SUSD6: variants seen among roughly 807,000 people sequenced by gnomAD.
SUSD6 encodes the protein sushi domain containing 6, also known as sushi domain-containing protein 6.
A neutral mutation model predicts 28.4 loss-of-function variants in SUSD6; 16 were observed. The ratio of observed to expected loss-of-function variants is 0.56; its 90% CI spans 0.38 to 0.86. The LOEUF (loss-of-function observed/expected upper bound fraction) is 0.86, where lower values mean the gene tolerates loss of function less well. Among genes scored for constraint, SUSD6 ranks in the 40% least tolerant of loss-of-function variants. SUSD6 has a pLI of 0.00. For missense variants in SUSD6, 341 were observed against 384.2 expected (o/e 0.89, Z 0.94); for synonymous variants, 147 against 159.6 (o/e 0.92, Z 0.59).
chr14:69,653,697 C>A (rs1055995145), intron 1 of SUSD6, among the ~76,000 whole-genome samples: 9 of 135,494 alleles, frequency 6.6e-5, no homozygotes, highest in African/African-American at 2.4e-4. Flanking sequence ...TTTGTTTAAA[C>A]AAAGTTTTAG....
chr14:69,631,265 G>A (rs1303067573), intron 1 of SUSD6, among the ~76,000 whole-genome samples: 2 of 152,208 alleles, frequency 1.3e-5, no homozygotes, highest in Non-Finnish European at 2.9e-5. Flanking sequence ...AGCAGCAGGG[G>A]AACAATCTTC....
At chr14:69,675,575 A>T (rs572341435) in intron 2 of SUSD6, among the ~76,000 whole-genome samples, 21 of 152,138 alleles carry the variant, frequency 1.4e-4, no homozygotes, top group Admixed American at 1.4e-3. Flanking sequence ...AGAGGAATAA[A>T]TAATATGAAC....
chr14:69,702,979 G>A (rs1027345804), intron 2 of SUSD6, among the ~76,000 whole-genome samples: 11 of 152,146 alleles, frequency 7.2e-5, no homozygotes, highest in Admixed American at 5.2e-4. Context: ...ATACAATAGA[G>A]TCTTTTCTGA....
At chr14:69,666,908 A>G (rs79807462) in intron 2 of SUSD6, among the ~76,000 whole-genome samples, 5,222 of 152,300 alleles carry the variant, frequency 0.034, 311 homozygotes, top group African/African-American at 0.12. Flanking sequence ...ATGACCAAGT[A>G]AAAACAGGGC....
intron 2 of SUSD6, among the ~76,000 whole-genome samples, chr14:69,666,483 A>G (rs1885743523): frequency 6.6e-6 from 1 of 152,252 alleles, no homozygotes; most frequent in Non-Finnish European, 1.5e-5. Flanking sequence ...CAGTGATGTG[A>G]TTGGAAGGTT....
chr14:69,656,547 G>A (rs1885585761), intron 1 of SUSD6, among the ~76,000 whole-genome samples: 1 of 152,344 alleles, frequency 6.6e-6, no homozygotes, highest in East Asian at 1.9e-4. Context: ...TGTCAAATGA[G>A]ATGGTGGAAC....
chr14:69,618,531 C>G (rs751653293), intron 1 of SUSD6, among the ~76,000 whole-genome samples: 2 of 152,206 alleles, frequency 1.3e-5, no homozygotes, highest in African/African-American at 2.4e-5. Context: ...AACGGAGGAT[C>G]AAGATGGTTA....
chr14:69,645,624 C>T (rs10131362), intron 1 of SUSD6, among the ~76,000 whole-genome samples: 5,686 of 152,232 alleles, frequency 0.037, 372 homozygotes, highest in African/African-American at 0.13. Flanking sequence ...TAACTCAAAT[C>T]ATTGGGTTAA....
chr14:69,658,111 C>T (rs1369523126), intron 1 of SUSD6, among the ~76,000 whole-genome samples: 2 of 152,228 alleles, frequency 1.3e-5, no homozygotes, highest in African/African-American at 4.8e-5. Flanking sequence ...CGTGTTCTCT[C>T]TCTTTTTTTC....
At chr14:69,631,522 G>A (rs1403483629) in intron 1 of SUSD6, among the ~76,000 whole-genome samples, 1 of 152,022 alleles carries the variant, frequency 6.6e-6, no homozygotes, top group South Asian at 2.1e-4. Context: ...TGCCTAAAAC[G>A]GATATAACAG....
At chr14:69,613,524 A>G (rs909399224) in intron 1 of SUSD6, among the ~76,000 whole-genome samples, 3 of 152,158 alleles carry the variant, frequency 2.0e-5, no homozygotes, top group African/African-American at 7.2e-5. Flanking sequence ...TTCATTCAGT[A>G]CTCCCAAGTA....
At chr14:69,648,693 C>T (rs954167946) in intron 1 of SUSD6, among the ~76,000 whole-genome samples, 1 of 152,142 alleles carries the variant, frequency 6.6e-6, no homozygotes, top group Non-Finnish European at 1.5e-5. Flanking sequence ...GTAAACATAA[C>T]TGCATCAGCC....
intron 2 of SUSD6, among the ~76,000 whole-genome samples, chr14:69,667,046 G>T (rs1885752768): frequency 6.6e-6 from 1 of 152,150 alleles, no homozygotes; most frequent in Admixed American, 6.5e-5. Context: ...CGGGACCTTT[G>T]TGTTTATTGT....
chr14:69,699,460 T>A (rs1215795710), intron 2 of SUSD6, among the ~76,000 whole-genome samples: 2 of 151,818 alleles, frequency 1.3e-5, no homozygotes, highest in East Asian at 3.9e-4. Flanking sequence ...CACCTTGACC[T>A]CCCAAAGCGC....
intron 1 of SUSD6, among the ~76,000 whole-genome samples, chr14:69,639,666 C>T (rs1885320475): frequency 2.6e-5 from 4 of 152,190 alleles, no homozygotes; most frequent in Admixed American, 1.3e-4. Context: ...ATCTTGGCAG[C>T]CCATCCTTTG....
chr14:69,653,246 G>A (rs1343071886), intron 1 of SUSD6, among the ~76,000 whole-genome samples: 1 of 152,150 alleles, frequency 6.6e-6, no homozygotes, highest in Non-Finnish European at 1.5e-5. Context: ...TGGGGCTGAC[G>A]GTCGAGCTGA....
intron 2 of SUSD6, among the ~76,000 whole-genome samples, chr14:69,692,741 A>G (rs146606489): frequency 3.7e-4 from 57 of 152,256 alleles, no homozygotes; most frequent in Admixed American, 1.3e-3. Flanking sequence ...TGAAACCACA[A>G]TTTTGGCCTT....
chr14:69,675,223 A>T (rs186974877), intron 2 of SUSD6, among the ~76,000 whole-genome samples: 1 of 152,186 alleles, frequency 6.6e-6, no homozygotes, highest in Non-Finnish European at 1.5e-5. Flanking sequence ...CCTTGCTTCT[A>T]TAAAACTGCT....
intron 1 of SUSD6, among the ~76,000 whole-genome samples, chr14:69,618,672 AGTT>A (rs1338991788): frequency 1.3e-5 from 2 of 152,256 alleles, no homozygotes; most frequent in Non-Finnish European, 2.9e-5. Flanking sequence ...TCTTCTAGAA[AGTT>A]CCCTCCTGTG....
Sources: allele counts gnomAD v4.1 joint callset (sites outside exome capture counted in the v4.1 genomes callset), GRCh38; gene constraint gnomAD v4.1.1; transcripts MANE v1.5; gene names NCBI Gene and HGNC (gene_info 2026-07-23, HGNC 2026-07-21).